TFEC: variants seen among roughly 807,000 people sequenced by gnomAD.
The protein encoded by TFEC is class E basic helix-loop-helix protein 34.
In TFEC, 31 loss-of-function variants were observed where a neutral mutation model predicts 41.6. The ratio of observed to expected loss-of-function variants is 0.74; its 90% CI spans 0.56 to 1.01. The LOEUF is 1.01. Among genes scored for constraint, TFEC ranks in the 50% least tolerant of loss-of-function variants. The pLI is 0.00. For missense variants in TFEC, 402 were observed against 404.1 expected (o/e 0.99, Z 0.04); for synonymous variants, 143 against 140.6 (o/e 1.02, Z -0.12).
At position 115,982,086 on chromosome 7, in the gene TFEC, C is replaced by A. The variant is rs140532771; in HGVS notation, c.180+2176G>T. On this transcript the variant is annotated intron_variant, in intron 2 of 7. Coordinates refer to ENST00000265440, the MANE Select transcript of TFEC (RefSeq NM_012252.4). ...TCAGTCTTCAAGTTACTCCTAATTC[C>A]AATTACCAAATCCTGAATCTAAAGC... is the stretch of plus-strand genomic sequence containing the variant. Among the ~76,000 whole-genome samples, 582 of 152,116 alleles carry A rather than the reference C, an allele frequency of 3.8e-3. 11 individuals are homozygous for A. The highest frequency in any genetic ancestry group is 7.5e-3 in the East Asian group (39 of 5,182).
intron 1 of TFEC, among the ~76,000 whole-genome samples, chr7:116,128,207 A>G (rs1291517474): frequency 6.6e-6 from 1 of 152,214 alleles, no homozygotes; most frequent in African/African-American, 2.4e-5. Context: ...ATAATATATG[A>G]AACAAAAATA....
In TFEC at chr7:115,974,152, G is replaced by C. The variant is rs948636902; in HGVS notation, c.267+18C>G. On this transcript the variant is annotated intron_variant, in intron 3 of 7. Transcript: ENST00000265440. ...TCATTTCTGTTTCAATGACCTTCTT[G>C]GGTCTGAAAGCACTTACTGTTCTTT... 6.4e-7 allele frequency: 1 copy of C among 1,571,900 alleles called. No homozygotes were observed. The highest frequency in any genetic ancestry group is 8.6e-7 in the Non-Finnish European group (1 of 1,162,530).
At chr7:116,086,934 C>T (rs550158115) in intron 3 of TFEC, among the ~76,000 whole-genome samples, 3 of 151,990 alleles carry the variant, frequency 2.0e-5, no homozygotes, top group Non-Finnish European at 2.9e-5. Flanking sequence ...AGTTCTAAAT[C>T]CAGCAAATGT....
intron 1 of TFEC, among the ~76,000 whole-genome samples, chr7:116,155,550 T>G (rs1798852828): frequency 6.6e-6 from 1 of 151,976 alleles, no homozygotes; most frequent in African/African-American, 2.4e-5. Flanking sequence ...CTACCAACTC[T>G]GATGTCTTTG....
intron 3 of TFEC, among the ~76,000 whole-genome samples, chr7:116,086,835 A>G (rs908971396): frequency 6.6e-6 from 1 of 151,914 alleles, no homozygotes; most frequent in Non-Finnish European, 1.5e-5. Context: ...AAATTGTATA[A>G]TTATGCAATT....
At chr7:115,954,677 G>A (rs1259546088) in intron 4 of TFEC, 35 bp from the exon 5 acceptor site, 2 of 1,573,490 alleles carry the variant, frequency 1.3e-6, no homozygotes, top group East Asian at 4.5e-5. Flanking sequence ...ACCATGCTTA[G>A]TTCTACCTTA....
chr7:116,085,003 A>G (rs1211551028), intron 3 of TFEC, among the ~76,000 whole-genome samples: 1 of 151,932 alleles, frequency 6.6e-6, no homozygotes, highest in African/African-American at 2.4e-5. Context: ...TAAACACAAT[A>G]TAAGTACTTA....
intron 3 of TFEC, among the ~76,000 whole-genome samples, chr7:115,962,441 TAC>T (rs1035023843): frequency 2.0e-5 from 3 of 151,800 alleles, no homozygotes; most frequent in Non-Finnish European, 4.4e-5. Flanking sequence ...CAAAACTTAT[TAC>T]AAAGCTGCAG....
intron 1 of TFEC, among the ~76,000 whole-genome samples, chr7:116,117,124 A>C (rs538102241): frequency 6.6e-6 from 1 of 152,050 alleles, no homozygotes; most frequent in African/African-American, 2.4e-5. Flanking sequence ...ATTATGGTGG[A>C]AACCTATTGA....
At chr7:116,036,805 T>A (rs1265960674) in intron 3 of TFEC, among the ~76,000 whole-genome samples, 1 of 151,950 alleles carries the variant, frequency 6.6e-6, no homozygotes, top group Admixed American at 6.6e-5. Context: ...AAACAAAAAC[T>A]GGTATCAGGA....
chr7:116,143,322 C>T (rs890357314), intron 1 of TFEC, among the ~76,000 whole-genome samples: 3 of 152,160 alleles, frequency 2.0e-5, no homozygotes, highest in Admixed American at 6.5e-5. Flanking sequence ...CCTATCTTAT[C>T]TGCACCTCTA....
chr7:115,994,115 C>T lies in TFEC; in HGVS notation c.-72-9602G>A, dbSNP rs555533377. Among the ~76,000 whole-genome samples, 3 of 152,304 alleles carry T rather than the reference C, an allele frequency of 2.0e-5. No homozygotes were observed. In the South Asian group the frequency reaches 6.2e-4, roughly 32 times the overall value. ...AAACCAGAAATGGGGGAAGGATTCC[C>T]TATTTAATAAATGGTGCTGGGAAAC... On this transcript the variant is annotated intron_variant, in intron 1 of 7. Transcript: ENST00000265440.
intron 6 of TFEC, among the ~76,000 whole-genome samples, chr7:115,949,201 C>G (rs562160264): frequency 8.6e-4 from 131 of 152,044 alleles, no homozygotes; most frequent in African/African-American, 1.1e-3. Flanking sequence ...AATAAAAGAG[C>G]ATACAAAGAA....
chr7:115,983,821 T>C (rs527268419), intron 2 of TFEC, among the ~76,000 whole-genome samples: 3 of 152,216 alleles, frequency 2.0e-5, no homozygotes, highest in Admixed American at 1.3e-4. Context: ...TATAATTTCA[T>C]ATAAGTGCAA....
At position 116,039,995 on chromosome 7, in the gene TFEC, T is replaced by G. The variant is rs1286444172; in HGVS notation, c.199-55482A>C. Reference sequence around the variant, plus strand: ...TTCCTCAAGTAAGACAGGATATACTTTGCAATAATCTAAAAAATCTAGATG... The same window carrying G: ...TTCCTCAAGTAAGACAGGATATACTGTGCAATAATCTAAAAAATCTAGATG... On this transcript the variant is annotated intron_variant, in intron 3 of 8. Transcript: ENST00000484212. Among the ~76,000 whole-genome samples the G allele has an allele frequency of 2.0e-5, 3 of 152,182 alleles. No homozygotes were observed. In the East Asian group the frequency reaches 5.8e-4, roughly 29 times the overall value.
chr7:115,983,176 G>GT (rs1793703956), intron 2 of TFEC, among the ~76,000 whole-genome samples: 1 of 152,004 alleles, frequency 6.6e-6, no homozygotes, highest in South Asian at 2.1e-4. Context: ...TTTTAGGAAA[G>GT]TTTTTTATAT....
At chr7:116,077,632 T>C (rs532260035) in intron 3 of TFEC, among the ~76,000 whole-genome samples, 1 of 152,072 alleles carries the variant, frequency 6.6e-6, no homozygotes, top group South Asian at 2.1e-4. Flanking sequence ...GTTATTCTTA[T>C]ATCAGACAAA....
chr7:116,004,375 T>C (rs1339370507), intron 1 of TFEC, among the ~76,000 whole-genome samples: 1 of 152,222 alleles, frequency 6.6e-6, no homozygotes, highest in African/African-American at 2.4e-5. Flanking sequence ...TAATGAGGAA[T>C]ACATATCCTT....
intron 2 of TFEC, among the ~76,000 whole-genome samples, chr7:115,980,726 G>A (rs1394717885): frequency 1.3e-5 from 2 of 151,376 alleles, no homozygotes; most frequent in African/African-American, 4.9e-5. Flanking sequence ...CTCCAGCCTG[G>A]GCAACAGAGG....
Sources: allele counts gnomAD v4.1 joint callset (sites outside exome capture counted in the v4.1 genomes callset), GRCh38; gene constraint gnomAD v4.1.1; transcripts MANE v1.5; gene names NCBI Gene and HGNC (gene_info 2026-07-23, HGNC 2026-07-21).